The following SLC25A26 variants were observed in gnomAD, a reference collection of about 807,000 sequenced individuals.
SLC25A26 encodes solute carrier family 25 member 26, also known as mitochondrial S-adenosylmethionine carrier protein.
SLC25A26 carries 36 observed loss-of-function variants against 37.8 expected under a neutral mutation model. The observed-to-expected ratio is 0.95, with a 90% confidence interval of 0.73 to 1.26. SLC25A26 has a LOEUF of 1.26. Ranked by LOEUF, SLC25A26 falls within the 50% of genes most tolerant of loss-of-function variation. The pLI is 0.00. For synonymous variants in SLC25A26, 129 were observed against 122.5 expected, an observed-to-expected ratio of 1.05 and a Z score of -0.35; for missense variants, 390 against 331.1, an observed-to-expected ratio of 1.18 and a Z score of -1.38.
At chr3:66,248,213 G>A (rs1678099) in intron 3 of SLC25A26, among the ~76,000 whole-genome samples, 72,272 of 152,046 alleles carry the variant, frequency 0.48, 19,257 homozygotes, top group African/African-American at 0.72. Context: ...TGATGAATCA[G>A]TGAAACTATA....
In SLC25A26 at chr3:66,306,255, C is replaced by T. The variant is rs2075217466; in HGVS notation, c.454-40109C>T. Among the ~76,000 whole-genome samples the T allele has an allele frequency of 2.0e-5, 3 of 152,232 alleles. No individual in the cohort carries two copies. In the South Asian group the frequency reaches 6.2e-4, roughly 32 times the overall value. On this transcript the variant is annotated intron_variant, in intron 5 of 9. Coordinates refer to ENST00000354883, the MANE Select transcript of SLC25A26 (RefSeq NM_001379210.1). ...TTGGCCTCCCAAAGTGCTAGGATTACAGGCGTAAGCCACTGCGCCTGGTCT... is the reference window on the plus strand; with the variant it reads ...TTGGCCTCCCAAAGTGCTAGGATTATAGGCGTAAGCCACTGCGCCTGGTCT...
intron 1 of SLC25A26, among the ~76,000 whole-genome samples, chr3:66,209,423 CTA>C (rs1373488323): frequency 2.9e-4 from 39 of 132,274 alleles, no homozygotes; most frequent in Non-Finnish European, 5.7e-4. Flanking sequence ...GTATATATAT[CTA>C]TATATAGTCA....
At chr3:66,348,653 T>G (rs2076381688) in intron 6 of SLC25A26, among the ~76,000 whole-genome samples, 1 of 152,206 alleles carries the variant, frequency 6.6e-6, no homozygotes, top group Admixed American at 6.5e-5. Context: ...TAAAGGATAC[T>G]AAATTGAGAA....
At chr3:66,254,820 T>A (rs1259633857) in intron 3 of SLC25A26, among the ~76,000 whole-genome samples, 1 of 152,248 alleles carries the variant, frequency 6.6e-6, no homozygotes, top group Non-Finnish European at 1.5e-5. Flanking sequence ...TGGAGTTTCT[T>A]GGAGAAAAAT....
At chr3:66,347,701 A>G (rs1055983501) in intron 6 of SLC25A26, among the ~76,000 whole-genome samples, 1 of 152,240 alleles carries the variant, frequency 6.6e-6, no homozygotes. Flanking sequence ...ACTATTTATA[A>G]TAGCAAAGAC....
intron 5 of SLC25A26, among the ~76,000 whole-genome samples, chr3:66,274,640 A>G (rs1276816729): frequency 3.3e-5 from 5 of 152,264 alleles, no homozygotes; most frequent in Admixed American, 1.3e-4. Context: ...GCCAAAAGAC[A>G]CATGAAAAAA....
At chr3:66,283,275 CTCTTT>C (rs1023137063) in intron 5 of SLC25A26, among the ~76,000 whole-genome samples, 1 of 152,010 alleles carries the variant, frequency 6.6e-6, no homozygotes, top group Admixed American at 6.6e-5. Context: ...AAACTGTGAA[CTCTTT>C]TCTTTTCTTT....
intron 1 of SLC25A26, among the ~76,000 whole-genome samples, chr3:66,164,448 T>G (rs142445867): frequency 0.025 from 3,745 of 152,276 alleles, 159 homozygotes; most frequent in African/African-American, 0.085. Context: ...ATATCAGTTT[T>G]TTTTTTAATG....
chr3:66,194,712 C>T (rs2071012288), intron 1 of SLC25A26, among the ~76,000 whole-genome samples: 1 of 152,230 alleles, frequency 6.6e-6, no homozygotes, highest in East Asian at 1.9e-4. Context: ...AGTGATTCTC[C>T]TGAGTCAGCC....
intron 5 of SLC25A26, among the ~76,000 whole-genome samples, chr3:66,306,889 C>T (rs2075241107): frequency 6.6e-6 from 1 of 152,154 alleles, no homozygotes; most frequent in African/African-American, 2.4e-5. Context: ...GCCACATTTT[C>T]TTTATCCAGT....
rs192818613 is a variant in SLC25A26, at chr3:66,325,110, G to A, written c.454-21254G>A. On this transcript the variant is annotated intron_variant, in intron 5 of 9. Transcript: ENST00000354883. ...GATTGACAACCCTTGCCTTATCTTG[G>A]TCTCCTTCAATGTTTCCACAATTCT... Among the ~76,000 whole-genome samples, 3 of 152,180 alleles carry A rather than the reference G, an allele frequency of 2.0e-5. No individual in the cohort carries two copies. In the East Asian group the frequency reaches 5.8e-4, roughly 29 times the overall value.
intron 7 of SLC25A26, among the ~76,000 whole-genome samples, chr3:66,365,955 T>G (rs2076815391): frequency 6.6e-6 from 1 of 152,198 alleles, no homozygotes; most frequent in Non-Finnish European, 1.5e-5. Flanking sequence ...TCTCAGCCAC[T>G]GCTTAGAGGT....
intron 9 of SLC25A26, 124 bp from the exon 10 acceptor site, chr3:66,377,566 C>A: frequency 1.5e-6 from 1 of 680,824 alleles, no homozygotes; most frequent in Non-Finnish European, 2.6e-6. Context: ...TGGGAGCGTT[C>A]ACAAGCTGTT....
At chr3:66,271,132 T>C (rs563514302) in intron 5 of SLC25A26, among the ~76,000 whole-genome samples, 2 of 152,296 alleles carry the variant, frequency 1.3e-5, no homozygotes, top group South Asian at 2.1e-4. Context: ...TAAACCATAG[T>C]GTTGAAGTAG....
chr3:66,231,034 T>A (rs990909972), intron 1 of SLC25A26, among the ~76,000 whole-genome samples: 1 of 151,222 alleles, frequency 6.6e-6, no homozygotes, highest in Non-Finnish European at 1.5e-5. Context: ...AATTAGCCAG[T>A]CATGGTGGCA....
intron 5 of SLC25A26, among the ~76,000 whole-genome samples, chr3:66,342,240 C>T (rs1333967888): frequency 3.9e-5 from 6 of 152,036 alleles, no homozygotes; most frequent in Admixed American, 6.6e-5. Context: ...GTCTTGCACA[C>T]GGTTTCTGTG....
intron 1 of SLC25A26, among the ~76,000 whole-genome samples, chr3:66,213,140 C>G (rs2071308473): frequency 2.6e-5 from 4 of 152,114 alleles, no homozygotes; most frequent in Admixed American, 2.0e-4. Context: ...TGGCTCACGC[C>G]TGTAATCCCA....
At chr3:66,188,667 A>G (rs2070877220) in intron 1 of SLC25A26, among the ~76,000 whole-genome samples, 1 of 152,136 alleles carries the variant, frequency 6.6e-6, no homozygotes, top group Non-Finnish European at 1.5e-5. Flanking sequence ...CTGTGAGCCA[A>G]TTAAACCCCT....
At chr3:66,256,333 A>T (rs1456544490) in intron 3 of SLC25A26, among the ~76,000 whole-genome samples, 1 of 152,064 alleles carries the variant, frequency 6.6e-6, no homozygotes, top group Non-Finnish European at 1.5e-5. Context: ...TGTCCTTTTT[A>T]TCAAGGCTGA....
Sources: allele counts gnomAD v4.1 joint callset (sites outside exome capture counted in the v4.1 genomes callset), GRCh38; gene constraint gnomAD v4.1.1; transcripts MANE v1.5; gene names NCBI Gene and HGNC (gene_info 2026-07-23, HGNC 2026-07-21).